Variants in RNF212B observed in about 807,000 individuals in gnomAD.
The protein encoded by RNF212B is E3 ubiquitin-protein ligase RNF212B.
RNF212B carries 52 observed loss-of-function variants against 55.5 expected under a neutral mutation model. The observed-to-expected ratio is 0.94, with a 90% CI of 0.75 to 1.18. The LOEUF (loss-of-function observed/expected upper bound fraction) is 1.18, where lower values mean the gene tolerates loss of function less well. Among genes scored for constraint, RNF212B ranks in the 50% most tolerant of loss-of-function variants. RNF212B has a pLI of 0.00. For missense variants in RNF212B, 289 were observed against 350.4 expected, an observed-to-expected ratio of 0.82 and a Z score of 1.40; for synonymous variants, 99 against 121.4, an observed-to-expected ratio of 0.82 and a Z score of 1.21.
intron 2 of RNF212B, among the ~76,000 whole-genome samples, chr14:23,227,823 T>G (rs553943888): frequency 6.6e-6 from 1 of 152,018 alleles, no homozygotes; most frequent in East Asian, 1.9e-4. Flanking sequence ...GATCTCAAAC[T>G]CCTGGACTCA....
chr14:23,256,855 T>A (rs1884871905), intron 4 of RNF212B, among the ~76,000 whole-genome samples: 1 of 152,156 alleles, frequency 6.6e-6, no homozygotes, highest in East Asian at 1.9e-4. Context: ...CCTGGCTAAA[T>A]TTTTTAAATT....
At chr14:23,202,841 C>A (rs575678680) in intron 2 of RNF212B, among the ~76,000 whole-genome samples, 1 of 146,730 alleles carries the variant, frequency 6.8e-6, no homozygotes, top group Admixed American at 6.7e-5. Context: ...CAGAGCGAGA[C>A]CCTGTCTCAA....
intron 2 of RNF212B, among the ~76,000 whole-genome samples, chr14:23,217,383 C>T (rs959728355): frequency 6.6e-6 from 1 of 152,276 alleles, no homozygotes; most frequent in Non-Finnish European, 1.5e-5. Flanking sequence ...ACTTCAATTC[C>T]TGGTTCCCAG....
At chr14:23,253,878 A>G (rs1035904073) in intron 4 of RNF212B, among the ~76,000 whole-genome samples, 10 of 152,246 alleles carry the variant, frequency 6.6e-5, no homozygotes, top group Non-Finnish European at 1.5e-5. Context: ...ATTTACCAAT[A>G]TCTTTAAAGT....
chr14:23,248,217 TC>T (rs1405507193), intron 4 of RNF212B, among the ~76,000 whole-genome samples: 3 of 151,788 alleles, frequency 2.0e-5, no homozygotes, highest in African/African-American at 7.3e-5. Flanking sequence ...AGCCTTGCCC[TC>T]TTGAGCTCAG....
intron 2 of RNF212B, among the ~76,000 whole-genome samples, chr14:23,222,898 C>CA (rs1881687594): frequency 6.6e-6 from 1 of 151,494 alleles, no homozygotes; most frequent in African/African-American, 2.4e-5. Flanking sequence ...ACTAAAAATA[C>CA]AAAAAATTAG....
upstream of RNF212B, among the ~76,000 whole-genome samples, chr14:23,236,371 T>C (rs1883091540): frequency 1.3e-5 from 2 of 151,926 alleles, no homozygotes; most frequent in Non-Finnish European, 2.9e-5. Context: ...AAAAATTAGC[T>C]GGGCGTAATG....
intron 2 of RNF212B, among the ~76,000 whole-genome samples, chr14:23,221,828 A>C (rs1881601421): frequency 6.6e-6 from 1 of 152,204 alleles, no homozygotes; most frequent in South Asian, 2.1e-4. Context: ...AATCAATAAC[A>C]GGAGGAATTT....
At chr14:23,198,219 A>C (rs1304231364) in intron 2 of RNF212B, among the ~76,000 whole-genome samples, 1 of 152,198 alleles carries the variant, frequency 6.6e-6, no homozygotes, top group Non-Finnish European at 1.5e-5. Flanking sequence ...AACTACAGAC[A>C]TCATGCTATT....
intron 2 of RNF212B, among the ~76,000 whole-genome samples, chr14:23,207,070 T>A (rs932153192): frequency 6.6e-6 from 1 of 152,198 alleles, no homozygotes; most frequent in Non-Finnish European, 1.5e-5. Context: ...GCTTAAAATT[T>A]TTTTTCTTTA....
intron 1 of RNF212B, among the ~76,000 whole-genome samples, chr14:23,189,921 C>T (rs1314987452): frequency 6.6e-6 from 1 of 152,184 alleles, no homozygotes; most frequent in South Asian, 2.1e-4. Context: ...CTTGGAATTA[C>T]CACATCAAAG....
intron 4 of RNF212B, among the ~76,000 whole-genome samples, chr14:23,250,335 CCAGGTGT>C (rs1425472400): frequency 6.6e-6 from 1 of 151,830 alleles, no homozygotes; most frequent in Admixed American, 6.6e-5. Context: ...AAAAAATTAG[CCAGGTGT>C]CATGGTGGCG....
At chr14:23,269,113 T>C (rs1885896268) in intron 12 of RNF212B, 150 bp downstream of exon 12, 1 of 600,224 alleles carries the variant, frequency 1.7e-6, no homozygotes, top group East Asian at 3.1e-5. Flanking sequence ...GAGACCAGTA[T>C]GGCCAACATG....
Position 23,264,175 on chromosome 14 carries a change from C to T in RNF212B, c.526C>T (p.Arg176Trp), listed in dbSNP as rs750429657. Reference sequence around the variant, plus strand: ...TTCTTTTTGTTTCACCTTATACAGTCGGTCCTCCTCAGCGGAATCTATTCC... The same window carrying T: ...TTCTTTTTGTTTCACCTTATACAGTTGGTCCTCCTCAGCGGAATCTATTCC... ...SFQHSSQVVS[R>W]SSSAESIPYR... Residue 176 changes from arginine (R) to tryptophan (W), a missense_variant and splice_region_variant, in exon 10 of 15, where the codon CGG becomes TGG. Coordinates refer to ENST00000430154, the MANE Select transcript of RNF212B (RefSeq NM_001282322.3). The T allele has an allele frequency of 6.0e-5, 93 of 1,548,284 alleles. 1 individual carries two copies. Among genetic ancestry groups the T allele is most frequent in the South Asian group, 3.5e-4 (29 of 83,930 alleles).
intron 2 of RNF212B, among the ~76,000 whole-genome samples, chr14:23,213,111 G>A (rs1041764219): frequency 2.0e-5 from 3 of 151,958 alleles, no homozygotes; most frequent in Non-Finnish European, 4.4e-5. Context: ...AGGAGATCGA[G>A]ACCATCCTGG....
rs190942025 is a variant in RNF212B, at chr14:23,220,803, A to C, written c.-1-19542A>C. 8.7e-3 allele frequency among the ~76,000 whole-genome samples: 1,319 copies of C among 151,972 alleles called. 24 individuals carry two copies. Among genetic ancestry groups the C allele is most frequent in the African/African-American group, 0.03 (1,248 of 41,368 alleles). On this transcript the variant is annotated intron_variant, in intron 2 of 15. Coordinates refer to the RNF212B transcript ENST00000399910. ...TTGCACCACTGCACTCCAGCCTGGG[A>C]GACAGAGCAAGACTCCATCAAAAAA...
In RNF212B at chr14:23,266,539, G is replaced by A. The variant is rs371650442; in HGVS notation, c.634+1868G>A. 3.4e-5 allele frequency among the ~76,000 whole-genome samples: 5 copies of A among 147,764 alleles called. No homozygotes were observed. The East Asian group carries it at 1.0e-3, about 30-fold the overall frequency. ...CAATTCTCCTGCCTCAGCCTCCCGA[G>A]TAGCTGGGATTACAGGCATGCACCA... On this transcript the variant is annotated intron_variant, in intron 11 of 14. Coordinates refer to ENST00000430154, the MANE Select transcript of RNF212B (RefSeq NM_001282322.3).
chr14:23,244,422 T>C (rs755439302), intron 4 of RNF212B, 26 bp downstream of exon 4: 43 of 1,364,776 alleles, frequency 3.2e-5, no homozygotes, highest in Non-Finnish European at 4.2e-5. Flanking sequence ...GTGAAGAAAA[T>C]CTGACTCTCC....
chr14:23,240,561 T>C (rs1311207450), intron 2 of RNF212B, 116 bp downstream of exon 2: 1 of 606,392 alleles, frequency 1.6e-6, no homozygotes, highest in South Asian at 2.3e-5. Context: ...TCAATGGTGA[T>C]AAAGATACTG....
Sources: gnomAD v4.1 joint callset for allele counts (sites outside exome capture counted in the v4.1 genomes callset) on GRCh38, gnomAD v4.1.1 for gene constraint, MANE v1.5 for transcripts, NCBI Gene and HGNC (gene_info 2026-07-23, HGNC 2026-07-21) for gene names.